PCDH9: variants seen among roughly 807,000 people sequenced by gnomAD.
PCDH9 encodes protocadherin 9, also known as protocadherin-9.
Under a neutral mutation model 70.6 loss-of-function variants are expected in PCDH9, and 24 were observed. The observed-to-expected ratio is 0.34, with a 90% CI of 0.25 to 0.48. PCDH9 has a LOEUF of 0.48. PCDH9 is among the 20% of genes least tolerant of loss of function. PCDH9 has a pLI of 0.99. For missense variants in PCDH9, 1,281 were observed against 1,503.6 expected (o/e 0.85, Z 2.45); for synonymous variants, 562 against 558.5 (o/e 1.01, Z -0.09).
intron 2 of PCDH9, among the ~76,000 whole-genome samples, chr13:67,134,734 A>G (rs1316228658): frequency 6.6e-6 from 1 of 152,148 alleles, no homozygotes; most frequent in African/African-American, 2.4e-5. Context: ...AACATGCTTG[A>G]GAGCAAACAA....
At chr13:66,867,281 A>C (rs550474379) in intron 3 of PCDH9, among the ~76,000 whole-genome samples, 1 of 152,170 alleles carries the variant, frequency 6.6e-6, no homozygotes, top group Non-Finnish European at 1.5e-5. Context: ...AAGGATTATT[A>C]ATGTTCTCTC....
At chr13:66,666,128 G>C (rs1456292065) in intron 3 of PCDH9, among the ~76,000 whole-genome samples, 4 of 152,216 alleles carry the variant, frequency 2.6e-5, no homozygotes, top group African/African-American at 9.7e-5. Context: ...CCAGAAGCCA[G>C]GCTTAGTCAG....
chr13:66,772,420 A>G (rs2079822446), intron 3 of PCDH9, among the ~76,000 whole-genome samples: 1 of 152,220 alleles, frequency 6.6e-6, no homozygotes, highest in Non-Finnish European at 1.5e-5. Flanking sequence ...CCTCATTTAT[A>G]AAATTATCTT....
intron 4 of PCDH9, among the ~76,000 whole-genome samples, chr13:66,389,686 C>G (rs1956985974): frequency 6.6e-6 from 1 of 152,102 alleles, no homozygotes; most frequent in Non-Finnish European, 1.5e-5. Context: ...CTTCAAGTGC[C>G]TTGATGAGCT....
intron 4 of PCDH9, among the ~76,000 whole-genome samples, chr13:66,315,331 A>T (rs529256888): frequency 6.6e-6 from 1 of 152,342 alleles, no homozygotes; most frequent in African/African-American, 2.4e-5. Flanking sequence ...TAAATGGGTG[A>T]CAACTGAGAC....
chr13:66,724,646 G>A (rs1271310781), intron 3 of PCDH9, among the ~76,000 whole-genome samples: 1 of 152,058 alleles, frequency 6.6e-6, no homozygotes. Context: ...TTATTTTGGC[G>A]CCCTACTCCC....
At chr13:66,641,881 T>C (rs1428468246) in intron 3 of PCDH9, among the ~76,000 whole-genome samples, 1 of 152,126 alleles carries the variant, frequency 6.6e-6, no homozygotes, top group Non-Finnish European at 1.5e-5. Flanking sequence ...GTGAAAAATG[T>C]TTGTATTGTG....
chr13:66,479,341 G>C (rs931181305), intron 4 of PCDH9, among the ~76,000 whole-genome samples: 7 of 152,190 alleles, frequency 4.6e-5, no homozygotes, highest in Non-Finnish European at 2.9e-5. Context: ...GCAGCTCATG[G>C]ATCAAGAAGA....
chr13:66,668,574 C>T (rs543856356), intron 3 of PCDH9, among the ~76,000 whole-genome samples: 33 of 152,214 alleles, frequency 2.2e-4, no homozygotes, highest in African/African-American at 7.9e-4. Flanking sequence ...ATCTAAATAG[C>T]CCCCTTGTTT....
At chr13:66,584,134 A>G (rs1303984242) in intron 4 of PCDH9, among the ~76,000 whole-genome samples, 1 of 152,194 alleles carries the variant, frequency 6.6e-6, no homozygotes, top group African/African-American at 2.4e-5. Context: ...GCAAGGAACT[A>G]AAAACATCTG....
intron 2 of PCDH9, among the ~76,000 whole-genome samples, chr13:67,117,739 A>AT (rs1449628051): frequency 2.0e-5 from 3 of 152,236 alleles, no homozygotes; most frequent in South Asian, 2.1e-4. Context: ...GAGGGATGGG[A>AT]TTTTTTAAAG....
chr13:67,000,229 G>A (rs1594372887), intron 2 of PCDH9, among the ~76,000 whole-genome samples: 1 of 151,080 alleles, frequency 6.6e-6, no homozygotes, highest in African/African-American at 2.4e-5. Flanking sequence ...AACTATCGCA[G>A]GGACAAAAAA....
chr13:66,950,207 C>T (rs1285257064), intron 2 of PCDH9, among the ~76,000 whole-genome samples: 3 of 152,096 alleles, frequency 2.0e-5, no homozygotes, highest in East Asian at 1.9e-4. Context: ...TTTAATCCAA[C>T]AAATTCCTCA....
chr13:66,769,649 C>A (rs2079774201), intron 3 of PCDH9, among the ~76,000 whole-genome samples: 1 of 152,038 alleles, frequency 6.6e-6, no homozygotes. Flanking sequence ...CATCTTTCTG[C>A]AATGGAAGTT....
chr13:66,507,925 G>A (rs545789940), intron 4 of PCDH9, among the ~76,000 whole-genome samples: 8 of 152,164 alleles, frequency 5.3e-5, no homozygotes, highest in South Asian at 2.1e-4. Flanking sequence ...GTTTCACCGC[G>A]TTAGCCAGGA....
chr13:66,493,643 C>T (rs1317752448), intron 4 of PCDH9, among the ~76,000 whole-genome samples: 2 of 152,078 alleles, frequency 1.3e-5, no homozygotes, highest in African/African-American at 4.8e-5. Context: ...GAAGTTACTA[C>T]AGCATACATT....
intron 4 of PCDH9, among the ~76,000 whole-genome samples, chr13:66,376,875 T>C (rs1043104262): frequency 7.2e-5 from 11 of 152,178 alleles, no homozygotes; most frequent in Non-Finnish European, 2.9e-5. Context: ...TAAATTGAAA[T>C]GTTTTTTGTT....
intron 3 of PCDH9, among the ~76,000 whole-genome samples, chr13:66,817,378 C>G (rs1384269547): frequency 3.3e-5 from 5 of 152,058 alleles, no homozygotes; most frequent in African/African-American, 1.2e-4. Flanking sequence ...CCCTCTCATT[C>G]TCTTTCTGTT....
chr13:66,519,597 G>A (rs1959896002), intron 4 of PCDH9, among the ~76,000 whole-genome samples: 2 of 152,070 alleles, frequency 1.3e-5, no homozygotes, highest in African/African-American at 4.8e-5. Context: ...ATGAGTCTAT[G>A]AATCCTCTTA....
Sources: allele counts gnomAD v4.1 joint callset (sites outside exome capture counted in the v4.1 genomes callset), GRCh38; gene constraint gnomAD v4.1.1; transcripts MANE v1.5; gene names NCBI Gene and HGNC (gene_info 2026-07-23, HGNC 2026-07-21).